ARAP1: variants seen among roughly 807,000 people sequenced by gnomAD.
ARAP1 encodes the protein ArfGAP with RhoGAP domain, ankyrin repeat and PH domain 1, also known as arf-GAP with Rho-GAP domain, ANK repeat and PH domain-containing protein 1.
In ARAP1, 76 loss-of-function variants were observed where a neutral mutation model predicts 172.2. The ratio of observed to expected loss-of-function variants is 0.44; its 90% CI spans 0.37 to 0.53. The LOEUF is 0.53. Among genes scored for constraint, ARAP1 ranks in the 20% least tolerant of loss-of-function variants. The pLI, the probability that ARAP1 is intolerant of heterozygous loss-of-function variation, is 0.00. For missense variants in ARAP1, 1,686 were observed against 1,977.5 expected (o/e 0.85, Z 2.80); for synonymous variants, 804 against 803.3 (o/e 1.00, Z -0.01).
chr11:72,690,301 C>G (rs1855884614), intron 30 of ARAP1, among the ~76,000 whole-genome samples: 2 of 152,144 alleles, frequency 1.3e-5, no homozygotes, highest in African/African-American at 2.4e-5. Flanking sequence ...CCTCAGGCCT[C>G]CGATTCCTTG....
chr11:72,731,230 G>T (rs1268808520), intron 2 of ARAP1, among the ~76,000 whole-genome samples: 1 of 152,174 alleles, frequency 6.6e-6, no homozygotes, highest in African/African-American at 2.4e-5. Flanking sequence ...CACAATTTAA[G>T]TGCCCTCTGA....
chr11:72,748,327 C>T lies in ARAP1; in HGVS notation c.-128+4001G>A, dbSNP rs537224048. ...ACGAGGTCAGGAGTTCAAGATCATC[C>T]TGGCCAACATGGTGAAACCCCGTCT... On this transcript the variant is annotated intron_variant, in intron 1 of 34. Transcript: ENST00000393609. Among the ~76,000 whole-genome samples, 34 of 152,222 alleles carry T rather than the reference C, an allele frequency of 2.2e-4. No homozygotes were observed. The East Asian group carries it at 6.6e-3, about 30-fold the overall frequency.
At position 72,695,052 on chromosome 11, in the gene ARAP1, C is replaced by A. The variant is rs1856120042; in HGVS notation, c.3622G>T (p.Asp1208Tyr). The A allele has an allele frequency of 6.2e-7, 1 of 1,614,032 alleles. No individual in the cohort carries two copies. Among genetic ancestry groups the A allele is most frequent in the African/African-American group, 1.3e-5 (1 of 74,920 alleles). ...TAEELTLEILDRRNVGIREKD... is the reference protein window; with the variant it reads ...TAEELTLEILYRRNVGIREKD... ...TCCCTGATGCCCACGTTCCGGCGAT[C>A]CAGGATCTCCAGGGTGAGCTCCTCA... The change falls in exon 27 of 35, where the codon GAT (aspartate) becomes TAT (tyrosine). Residue 1208 changes from aspartate (D) to tyrosine (Y), a missense_variant. Asp to Tyr is a radical substitution (Grantham distance 160). Transcript: ENST00000393609. This position sits in a 1 kb window ranked among gnomAD's most constrained non-coding sequence, Gnocchi z 4.4.
chr11:72,695,315 C>G lies in ARAP1; in HGVS notation c.3576+72G>C. Reference sequence around the variant, plus strand: ...CTCCTCGGGGTAGAAGCACTGCTCCCCTGGCCATCTGAGCCTGTACCTGGC... The same window carrying G: ...CTCCTCGGGGTAGAAGCACTGCTCCGCTGGCCATCTGAGCCTGTACCTGGC... On this transcript the variant is annotated intron_variant, in intron 26 of 34. Coordinates refer to ENST00000393609, the MANE Select transcript of ARAP1 (RefSeq NM_001040118.3). The surrounding 1 kb of genome is among the most constrained non-coding windows in gnomAD (Gnocchi z 4.4). The G allele has an allele frequency of 6.3e-7, 1 of 1,595,176 alleles. No individual in the cohort carries two copies. Among genetic ancestry groups the G allele is most frequent in the Non-Finnish European group, 8.6e-7 (1 of 1,164,498 alleles).
At chr11:72,718,852 C>T (rs1450987944) in intron 3 of ARAP1, among the ~76,000 whole-genome samples, 2 of 152,138 alleles carry the variant, frequency 1.3e-5, no homozygotes, top group African/African-American at 4.8e-5. Context: ...GAGAGGCAGA[C>T]CATGGACATC....
rs1858191151 is a variant in ARAP1 at position 72,741,284 on chromosome 11, T to C, written c.-127-8687A>G. 6.6e-6 allele frequency among the ~76,000 whole-genome samples: 1 copy of C among 151,972 alleles called. No individual in the cohort carries two copies. Among genetic ancestry groups the C allele is most frequent in the Non-Finnish European group, 1.5e-5 (1 of 67,982 alleles). On this transcript the variant is annotated intron_variant, in intron 1 of 34. Coordinates refer to ENST00000393609, the MANE Select transcript of ARAP1 (RefSeq NM_001040118.3). This position sits in a 1 kb window ranked among gnomAD's most constrained non-coding sequence, Gnocchi z 4.5. Reference sequence around the variant, plus strand: ...CAGGACATACTCTAGCCCACCGGGCTCATCTAATACATGGCATAGCTCCTG... The same window carrying C: ...CAGGACATACTCTAGCCCACCGGGCCCATCTAATACATGGCATAGCTCCTG...
At chr11:72,718,803 C>T (rs778304347) in intron 3 of ARAP1, among the ~76,000 whole-genome samples, 42 of 152,262 alleles carry the variant, frequency 2.8e-4, no homozygotes, top group Non-Finnish European at 8.8e-5. Context: ...AGGCAAAATG[C>T]AGAATGGGTA....
chr11:72,750,991 G>A (rs1336683824), intron 1 of ARAP1, among the ~76,000 whole-genome samples: 2 of 152,196 alleles, frequency 1.3e-5, no homozygotes, highest in Admixed American at 1.3e-4. Flanking sequence ...GGCTGGATGT[G>A]TGAAGCATGG....
intron 15 of ARAP1, among the ~76,000 whole-genome samples, 185 bp downstream of exon 15, chr11:72,702,706 TCACAGAGACACAGA>T (rs1236549860): frequency 1.3e-5 from 2 of 152,034 alleles, no homozygotes; most frequent in South Asian, 2.1e-4. Context: ...TCATCAACAG[TCACAGAGACACAGA>T]CACAGAGGAA....
chr11:72,733,039 A>AGGAAGAG (rs1857910408), intron 1 of ARAP1, among the ~76,000 whole-genome samples: 1 of 152,144 alleles, frequency 6.6e-6, no homozygotes, highest in Non-Finnish European at 1.5e-5. Context: ...GAGGAAGAGA[A>AGGAAGAG]GGAAGAGGGA....
At chr11:72,728,802 G>A (rs1323678928) in intron 2 of ARAP1, among the ~76,000 whole-genome samples, 2 of 152,172 alleles carry the variant, frequency 1.3e-5, no homozygotes, top group Admixed American at 6.5e-5. Flanking sequence ...CTGGACAAAT[G>A]GCAGAGCACA....
chr11:72,704,299 G>A lies in ARAP1; in HGVS notation c.1845C>T (p.Arg615=), dbSNP rs780472313. The change falls in exon 14 of 35, where the codon CGC becomes CGT. Residue 615 remains arginine (R), a synonymous_variant. Transcript: ENST00000393609. ...TGGGGGGCACGTTGGCTGCCCAGAA[G>A]CGGTTCCCAGCGCCATTCCCCAGCT... ...FLQLGNGAGN[R]FWAANVPPSE... 5.6e-6 allele frequency: 9 copies of A among 1,605,412 alleles called. No homozygotes were observed. Among genetic ancestry groups the A allele is most frequent in the Non-Finnish European group, 6.8e-6 (8 of 1,175,582 alleles).
At chr11:72,748,640 C>T (rs1470911172) in intron 1 of ARAP1, among the ~76,000 whole-genome samples, 1 of 152,192 alleles carries the variant, frequency 6.6e-6, no homozygotes, top group Non-Finnish European at 1.5e-5. Context: ...AGGCTCTTCC[C>T]CTCTGTACTA....
At position 72,695,295 on chromosome 11, in the gene ARAP1, C is replaced by T. The variant is rs930459915; in HGVS notation, c.3576+92G>A. ...ACAGGTCCCAAACTGGTCCTCTCCT[C>T]GGGGTAGAAGCACTGCTCCCCTGGC... On this transcript the variant is annotated intron_variant, in intron 26 of 34. Transcript: ENST00000393609. This position sits in a 1 kb window ranked among gnomAD's most constrained non-coding sequence, Gnocchi z 4.4. The T allele has an allele frequency of 1.0e-5, 16 of 1,550,728 alleles. No individual in the cohort carries two copies. The African/African-American group carries it at 1.1e-4, about 11-fold the overall frequency.
chr11:72,691,152 T>C (rs1855917488), intron 30 of ARAP1, among the ~76,000 whole-genome samples: 1 of 152,202 alleles, frequency 6.6e-6, no homozygotes, highest in Non-Finnish European at 1.5e-5. Flanking sequence ...AGTCTACACT[T>C]ATAGATGGCC....
chr11:72,705,876 G>C lies in ARAP1; in HGVS notation c.1738C>G (p.Leu580Val). Reference sequence around the variant, plus strand: ...CGCACCTTGGAGACGCCAGCGCCCAGGCCACGGTGCTCCCCTGTAGACACA... The same window carrying C: ...CGCACCTTGGAGACGCCAGCGCCCACGCCACGGTGCTCCCCTGTAGACACA... ...CKRCAGEHRG[L>V]GAGVSKVRSL... Residue 580 changes from leucine (L) to valine (V), a missense_variant, in exon 13 of 35, where the codon CTG becomes GTG. Leu to Val is a conservative substitution (Grantham distance 32, BLOSUM62 1). Around this residue, in one of 5 missense-constraint regions of ARAP1, gnomAD observed 688 missense variants for 856.9 expected, o/e 0.80. Transcript: ENST00000393609. 1 of 1,614,070 alleles carries C rather than the reference G, an allele frequency of 6.2e-7. No individual in the cohort carries two copies. The highest frequency in any genetic ancestry group is 1.1e-5 in the South Asian group (1 of 91,078).
At chr11:72,739,409 A>G (rs1476023140) in intron 1 of ARAP1, among the ~76,000 whole-genome samples, 2 of 152,044 alleles carry the variant, frequency 1.3e-5, no homozygotes, top group Admixed American at 1.3e-4. Flanking sequence ...GGCAGTGAGG[A>G]CTGAGTGGGA....
rs747791198 is a variant in ARAP1 at position 72,693,419 on chromosome 11, C to A, written c.3860G>T (p.Arg1287Leu). 1 of 1,613,756 alleles carries A rather than the reference C, an allele frequency of 6.2e-7. No individual in the cohort carries two copies. The highest frequency in any genetic ancestry group is 1.7e-5 in the Admixed American group (1 of 59,988). ...KHGMMKFRED[R>L]SLLGLGLPSG... ...GGGCAGGCCCAGGCCCAGGAGGCTGCGGTCCTCACGGAACTTCATCATGCC... is the reference window on the plus strand; with the variant it reads ...GGGCAGGCCCAGGCCCAGGAGGCTGAGGTCCTCACGGAACTTCATCATGCC... Residue 1287 changes from arginine (R) to leucine (L), a missense_variant, in exon 29 of 35, where the codon CGC (arginine) becomes CTC (leucine). This residue lies in a region of ARAP1 where 379 missense variants were observed against 500.1 expected (regional missense o/e 0.76). Coordinates refer to ENST00000393609, the MANE Select transcript of ARAP1 (RefSeq NM_001040118.3). The surrounding 1 kb of genome is among the most constrained non-coding windows in gnomAD (Gnocchi z 4.6).
intron 11 of ARAP1, among the ~76,000 whole-genome samples, chr11:72,708,997 A>G (rs1856890548): frequency 6.7e-6 from 1 of 149,910 alleles, no homozygotes. Context: ...AGATCGTGCC[A>G]CTGCACACCA....
Sources: allele counts gnomAD v4.1 joint callset (sites outside exome capture counted in the v4.1 genomes callset), GRCh38; gene constraint gnomAD v4.1.1; regional missense constraint gnomAD v4.1.1; non-coding constraint Gnocchi (gnomAD v3.1); transcripts MANE v1.5; gene names NCBI Gene and HGNC (gene_info 2026-07-23, HGNC 2026-07-21).